The following CNTN5 variants were observed in gnomAD, a reference collection of about 807,000 sequenced individuals.
The protein encoded by CNTN5 is contactin-5.
CNTN5 carries 77 observed loss-of-function variants against 129.1 expected under a neutral mutation model. That is an observed-to-expected ratio of 0.60 (90% CI 0.50 to 0.72). The LOEUF is 0.72. CNTN5 is among the 30% of genes least tolerant of loss of function. The pLI is 0.00. For synonymous variants in CNTN5, 509 were observed against 465.6 expected (o/e 1.09, Z -1.20); for missense variants, 1,478 against 1,328.8 (o/e 1.11, Z -1.75).
chr11:99,611,991 C>G (rs750970142), intron 3 of CNTN5, among the ~76,000 whole-genome samples: 2 of 152,244 alleles, frequency 1.3e-5, no homozygotes, highest in East Asian at 3.9e-4. Context: ...GTCATCCATA[C>G]TCATGATTGC....
intron 2 of CNTN5, among the ~76,000 whole-genome samples, chr11:99,454,932 A>G (rs1225899371): frequency 1.3e-5 from 2 of 152,150 alleles, no homozygotes; most frequent in African/African-American, 4.8e-5. Context: ...ACAGAAGAGT[A>G]GTAAGCATTG....
At chr11:99,043,281 C>T (rs1234958467) in intron 1 of CNTN5, among the ~76,000 whole-genome samples, 1 of 115,000 alleles carries the variant, frequency 8.7e-6, no homozygotes, top group Non-Finnish European at 1.7e-5. Flanking sequence ...CTATCCCTCC[C>T]CCCTCCCCCC....
chr11:99,756,265 A>T (rs552034714), intron 3 of CNTN5, among the ~76,000 whole-genome samples: 4 of 152,134 alleles, frequency 2.6e-5, no homozygotes, highest in Non-Finnish European at 5.9e-5. Flanking sequence ...GATTGGAAGA[A>T]AAGTTACGAT....
intron 10 of CNTN5, among the ~76,000 whole-genome samples, chr11:100,067,624 C>T (rs763081017): frequency 1.3e-5 from 2 of 152,032 alleles, no homozygotes; most frequent in Non-Finnish European, 2.9e-5. Context: ...TGTCTTTTAT[C>T]TGCCAATAAT....
chr11:100,135,720 G>T lies in CNTN5; in HGVS notation c.1581-55406G>T, dbSNP rs1946501339. Among the ~76,000 whole-genome samples, 4 of 152,184 alleles carry T rather than the reference G, an allele frequency of 2.6e-5. No individual in the cohort carries two copies. In the South Asian group the frequency reaches 8.3e-4, roughly 32 times the overall value. Reference sequence around the variant, plus strand: ...ACTCTCTCTTCTGCTTTCTGATATTGGTGACAATTTTAACTGTGCTGTTTT... The same window carrying T: ...ACTCTCTCTTCTGCTTTCTGATATTTGTGACAATTTTAACTGTGCTGTTTT... On this transcript the variant is annotated intron_variant, in intron 13 of 24. Transcript: ENST00000524871.
chr11:100,269,615 T>A (rs1305478173), intron 17 of CNTN5, among the ~76,000 whole-genome samples: 9 of 152,110 alleles, frequency 5.9e-5, no homozygotes, highest in Admixed American at 5.9e-4. Flanking sequence ...GTTGTAGGAA[T>A]GCCCAGAGAG....
intron 13 of CNTN5, among the ~76,000 whole-genome samples, chr11:100,100,076 C>T (rs1326585965): frequency 6.6e-6 from 1 of 152,040 alleles, no homozygotes; most frequent in Non-Finnish European, 1.5e-5. Flanking sequence ...TGGTATAATT[C>T]CTGCCCTAAG....
intron 18 of CNTN5, among the ~76,000 whole-genome samples, chr11:100,287,833 A>T (rs941904227): frequency 8.5e-5 from 13 of 152,192 alleles, no homozygotes; most frequent in African/African-American, 2.9e-4. Flanking sequence ...AAGAGTCAAG[A>T]CCCATCAGTG....
Position 100,299,379 on chromosome 11 carries a change from T to G in CNTN5, c.2603T>G (p.Ile868Ser). ...GDGPFSQIVV[I>S]CSAEGEPSAA... ...GGGCCTTTTAGTCAAATTGTGGTCA[T>G]CTGTTCAGCTGAAGGAGGTCAGTTT... Residue 868 changes from isoleucine to serine, a missense_variant, in exon 20 of 25, where the codon ATC becomes AGC. Coordinates refer to ENST00000524871, the MANE Select transcript of CNTN5 (RefSeq NM_014361.4). The G allele has an allele frequency of 6.2e-7, 1 of 1,606,372 alleles. No homozygotes were observed. Among genetic ancestry groups the G allele is most frequent in the Non-Finnish European group, 8.5e-7 (1 of 1,174,836 alleles).
chr11:99,888,174 C>A (rs760204496), intron 6 of CNTN5, among the ~76,000 whole-genome samples: 1 of 152,172 alleles, frequency 6.6e-6, no homozygotes, highest in Non-Finnish European at 1.5e-5. Flanking sequence ...GAATCATTAT[C>A]ATCGTTCCAT....
intron 2 of CNTN5, among the ~76,000 whole-genome samples, chr11:99,423,747 T>A (rs1463211310): frequency 6.6e-6 from 1 of 152,034 alleles, no homozygotes; most frequent in Non-Finnish European, 1.5e-5. Context: ...CACAACAGGT[T>A]CCCTGGTGAT....
intron 9 of CNTN5, among the ~76,000 whole-genome samples, chr11:100,024,967 G>C (rs1161092007): frequency 6.6e-6 from 1 of 152,204 alleles, no homozygotes; most frequent in Non-Finnish European, 1.5e-5. Flanking sequence ...TTTCTGAGGG[G>C]AAATTCAAGC....
chr11:99,786,153 A>C (rs1043476771), intron 3 of CNTN5, among the ~76,000 whole-genome samples: 1 of 152,174 alleles, frequency 6.6e-6, no homozygotes, highest in African/African-American at 2.4e-5. Flanking sequence ...CAACTTCAGC[A>C]AAGTCTCACG....
At chr11:100,077,975 A>C (rs1354403232) in intron 13 of CNTN5, among the ~76,000 whole-genome samples, 1 of 152,190 alleles carries the variant, frequency 6.6e-6, no homozygotes, top group Non-Finnish European at 1.5e-5. Context: ...AATATAATCT[A>C]ATCATCTGAA....
intron 13 of CNTN5, among the ~76,000 whole-genome samples, chr11:100,181,016 T>C (rs991791074): frequency 6.6e-6 from 1 of 152,172 alleles, no homozygotes; most frequent in African/African-American, 2.4e-5. Context: ...AAACTACATA[T>C]GCAATTTCCA....
chr11:99,627,349 CTGAT>C (rs1369015103), intron 3 of CNTN5, among the ~76,000 whole-genome samples: 1 of 151,982 alleles, frequency 6.6e-6, no homozygotes, highest in African/African-American at 2.4e-5. Flanking sequence ...GAAAATTTGA[CTGAT>C]ACAACTTCTG....
chr11:99,636,064 G>A (rs1951538724), intron 3 of CNTN5, among the ~76,000 whole-genome samples: 1 of 150,160 alleles, frequency 6.7e-6, no homozygotes, highest in African/African-American at 2.5e-5. Flanking sequence ...GACTGAAGTA[G>A]AAAACTATAT....
At position 99,971,948 on chromosome 11, in the gene CNTN5, G is replaced by GA. The variant is rs202141022; in HGVS notation, c.877+14948dup. On this transcript the variant is annotated intron_variant, in intron 8 of 24. Transcript: ENST00000524871. ...TATCAGGATAATTGACAATGCTTAA[G>GA]AAAAAAAAACAAAAAAAACGGGTGG... is the stretch of plus-strand genomic sequence containing the variant. Among the ~76,000 whole-genome samples the GA allele has an allele frequency of 6.8e-3, 991 of 145,654 alleles. 24 individuals are homozygous for GA. The highest frequency in any genetic ancestry group is 0.051 in the East Asian group (259 of 5,038).
intron 2 of CNTN5, among the ~76,000 whole-genome samples, chr11:99,534,125 T>C (rs1947814104): frequency 6.6e-6 from 1 of 152,248 alleles, no homozygotes; most frequent in South Asian, 2.1e-4. Context: ...TTCACACCTT[T>C]AACCAGAAGG....
Sources: allele counts gnomAD v4.1 joint callset (sites outside exome capture counted in the v4.1 genomes callset), GRCh38; gene constraint gnomAD v4.1.1; transcripts MANE v1.5; gene names NCBI Gene and HGNC (gene_info 2026-07-23, HGNC 2026-07-21).